ANKRD11: variants seen among roughly 807,000 people sequenced by gnomAD.
The protein encoded by ANKRD11 is ankyrin repeat domain-containing protein 11.
Under a neutral mutation model 195.7 loss-of-function variants are expected in ANKRD11, and 17 were observed. The observed-to-expected ratio is 0.09, with a 90% CI of 0.06 to 0.13. The LOEUF is 0.13. Among genes scored for constraint, ANKRD11 ranks in the 10% least tolerant of loss-of-function variants. ANKRD11 has a pLI of 1.00. For synonymous variants in ANKRD11, 1,953 were observed against 1,528.1 expected, an observed-to-expected ratio of 1.28 and a Z score of -6.49; for missense variants, 3,735 against 3,566.1, an observed-to-expected ratio of 1.05 and a Z score of -1.21.
chr16:89,315,489 C>A (rs1387864446), intron 3 of ANKRD11, among the ~76,000 whole-genome samples: 1 of 152,218 alleles, frequency 6.6e-6, no homozygotes, highest in Non-Finnish European at 1.5e-5. Context: ...GCAGGACACG[C>A]CCATCACGAC....
At chr16:89,300,342 G>A in intron 4 of ANKRD11, 1 of 207,986 alleles carries the variant, frequency 4.8e-6, no homozygotes, top group Non-Finnish European at 9.9e-6. Context: ...AGTGCCTTGG[G>A]ACCCTCGTCA....
chr16:89,470,788 G>C (rs1047116681), intron 1 of ANKRD11, among the ~76,000 whole-genome samples: 2 of 152,022 alleles, frequency 1.3e-5, no homozygotes, highest in African/African-American at 2.4e-5. Flanking sequence ...AGGAGATCAA[G>C]ACTATCCTGG....
chr16:89,344,597 GC>G (rs1228817014), intron 2 of ANKRD11, among the ~76,000 whole-genome samples: 1 of 152,246 alleles, frequency 6.6e-6, no homozygotes, highest in Admixed American at 6.5e-5. Context: ...AGCCCACAAT[GC>G]AAGCGTCCGG....
chr16:89,290,686 G>A lies in ANKRD11; in HGVS notation c.540C>T (p.Asp180=), dbSNP rs370908352. The change falls in exon 6 of 13, where the codon GAC becomes GAT. Residue 180 remains aspartate (D), a synonymous_variant. Coordinates refer to ENST00000301030, the MANE Select transcript of ANKRD11 (RefSeq NM_013275.6). ...TRLHRAAIRG[D]ARRIKELISE... is the part of the protein sequence containing the mutation. ...TGATGAGCTCTTTGATGCGCCGGGCGTCCCCGCGGATGGCGGCTCGGTGCA... is the reference window on the plus strand; with the variant it reads ...TGATGAGCTCTTTGATGCGCCGGGCATCCCCGCGGATGGCGGCTCGGTGCA... 30 of 1,614,024 alleles carry A rather than the reference G, an allele frequency of 1.9e-5. No individual in the cohort carries two copies. Among genetic ancestry groups the A allele is most frequent in the Non-Finnish European group, 2.3e-5 (27 of 1,180,018 alleles).
intron 2 of ANKRD11, among the ~76,000 whole-genome samples, chr16:89,416,334 C>A (rs1469140930): frequency 6.6e-6 from 1 of 151,976 alleles, no homozygotes; most frequent in African/African-American, 2.4e-5. Flanking sequence ...GAGTCTTGCT[C>A]TGTCGCCCAG....
chr16:89,488,594 G>C (rs146897433), intron 1 of ANKRD11, among the ~76,000 whole-genome samples: 244 of 152,156 alleles, frequency 1.6e-3, no homozygotes, highest in African/African-American at 5.5e-3. Context: ...ACAGCCTCAG[G>C]GTCTCCGATT....
At position 89,346,016 on chromosome 16, in the gene ANKRD11, C is replaced by T. The variant is rs1435300593; in HGVS notation, c.-59-28938G>A. Among the ~76,000 whole-genome samples, 6 of 151,892 alleles carry T rather than the reference C, an allele frequency of 4.0e-5. No individual in the cohort carries two copies. In the East Asian group the frequency reaches 5.8e-4, roughly 15 times the overall value. ...CAGCACTTTGGGAGGCCAAAGCAGG[C>T]GGATCACTTGAGGTCAAGAGTTTGA... On this transcript the variant is annotated intron_variant, in intron 2 of 12. Coordinates refer to ENST00000301030, the MANE Select transcript of ANKRD11 (RefSeq NM_013275.6).
In ANKRD11 at chr16:89,305,331, A is replaced by G; in HGVS notation, c.101T>C (p.Val34Ala). The part of the protein sequence containing the change: ...KQTGKKDKDK[V>A]SLTKTPKLER... Reference sequence around the variant, plus strand: ...CAGTTTTGGGGTCTTGGTTAGAGAAACTTTATCTTTATCCTAGAAAAGAAA... The same window carrying G: ...CAGTTTTGGGGTCTTGGTTAGAGAAGCTTTATCTTTATCCTAGAAAAGAAA... Residue 34 changes from valine (V) to alanine (A), a missense_variant, in exon 4 of 13, where the codon GTT becomes GCT. Transcript: ENST00000301030. 6.2e-7 allele frequency: 1 copy of G among 1,613,956 alleles called. No individual in the cohort carries two copies. Among genetic ancestry groups the G allele is most frequent in the Non-Finnish European group, 8.5e-7 (1 of 1,179,892 alleles).
chr16:89,328,287 C>T (rs1240036841), intron 2 of ANKRD11, among the ~76,000 whole-genome samples: 1 of 152,198 alleles, frequency 6.6e-6, no homozygotes, highest in East Asian at 1.9e-4. Context: ...AACAGCAAGG[C>T]AGCCTTACGA....
At chr16:89,301,005 C>G (rs760869727) in intron 4 of ANKRD11, 19 of 626,918 alleles carry the variant, frequency 3.0e-5, no homozygotes, top group Non-Finnish European at 4.9e-5. Context: ...GACGAAGGCG[C>G]AGGAGAAACA....
At position 89,271,185 on chromosome 16, in the gene ANKRD11, C is replaced by T. The variant is rs1212214004; in HGVS notation, c.7714-276G>A. On this transcript the variant is annotated intron_variant, in intron 11 of 12. Transcript: ENST00000301030. ...CCCCACCTGTGAGCCGGTCCCCAGC[C>T]CTGCCCCCAGGGGACAGTCAGAGCT... The T allele has an allele frequency of 2.2e-5, 11 of 505,968 alleles. No homozygotes were observed. The Admixed American group carries it at 2.9e-4, about 13-fold the overall frequency. The allele number at this position is 505,968 out of a possible 1,614,324, so 31.3% of individuals were successfully genotyped here. A position where few individuals can be genotyped will look rare whatever the true frequency, so the allele number is the denominator to read the frequency against.
At chr16:89,405,242 C>G (rs192498757) in intron 2 of ANKRD11, among the ~76,000 whole-genome samples, 1 of 152,130 alleles carries the variant, frequency 6.6e-6, no homozygotes, top group Admixed American at 6.6e-5. Flanking sequence ...ACCACATATG[C>G]GGTCTGTTGT....
At chr16:89,316,593 T>C (rs2036970933) in intron 3 of ANKRD11, among the ~76,000 whole-genome samples, 1 of 152,216 alleles carries the variant, frequency 6.6e-6, no homozygotes, top group African/African-American at 2.4e-5. Flanking sequence ...TTGCTTGCAG[T>C]CAGGATATCT....
At chr16:89,288,254 C>T in intron 7 of ANKRD11, 1 of 629,230 alleles carries the variant, frequency 1.6e-6, no homozygotes, top group Admixed American at 2.5e-5. Context: ...AATCCTTCAC[C>T]TGCTCAAATC....
intron 1 of ANKRD11, chr16:89,418,634 A>C (rs559623227): frequency 6.3e-6 from 1 of 159,394 alleles, no homozygotes; most frequent in Admixed American, 6.3e-5. Flanking sequence ...CACTGATACA[A>C]TCTTGTGAAA....
intron 2 of ANKRD11, among the ~76,000 whole-genome samples, chr16:89,342,349 T>A (rs1337873009): frequency 6.6e-6 from 1 of 152,242 alleles, no homozygotes; most frequent in South Asian, 2.1e-4. Context: ...CCATTTCACC[T>A]GAGAGTCGGA....
intron 2 of ANKRD11, among the ~76,000 whole-genome samples, chr16:89,384,206 C>G (rs1295870948): frequency 6.6e-6 from 1 of 152,100 alleles, no homozygotes; most frequent in Non-Finnish European, 1.5e-5. Flanking sequence ...GGTGACAGAG[C>G]GAGACTCCAT....
At chr16:89,323,276 T>C (rs1175757815) in intron 2 of ANKRD11, 4 of 1,287,538 alleles carry the variant, frequency 3.1e-6, no homozygotes, top group African/African-American at 1.5e-5. Flanking sequence ...GCAGGCCTAC[T>C]GTGTGCAAAG....
intron 3 of ANKRD11, chr16:89,313,638 G>T (rs912979712): frequency 3.1e-6 from 4 of 1,277,652 alleles, no homozygotes; most frequent in Non-Finnish European, 4.1e-6. Flanking sequence ...TGGAGAAAAG[G>T]GAGTTTATGG....
Sources: gnomAD v4.1 joint callset for allele counts (sites outside exome capture counted in the v4.1 genomes callset) on GRCh38, gnomAD v4.1.1 for gene constraint, MANE v1.5 for transcripts, NCBI Gene and HGNC (gene_info 2026-07-23, HGNC 2026-07-21) for gene names.